The following NCAM2 variants were observed in gnomAD, a reference collection of about 807,000 sequenced individuals.
The protein encoded by NCAM2 is neural cell adhesion molecule 2.
In NCAM2, 30 loss-of-function variants were observed where a neutral mutation model predicts 98.1. That is an observed-to-expected ratio of 0.31 (90% CI 0.23 to 0.41). NCAM2 has a LOEUF of 0.41. Ranked by LOEUF, NCAM2 falls within the 10% of genes least tolerant of loss-of-function variation. NCAM2 has a pLI of 1.00. For synonymous variants in NCAM2, 368 were observed against 342.4 expected, an observed-to-expected ratio of 1.07 and a Z score of -0.83; for missense variants, 867 against 1,005.8, an observed-to-expected ratio of 0.86 and a Z score of 1.87.
intron 1 of NCAM2, among the ~76,000 whole-genome samples, chr21:21,110,972 C>G (rs766406370): frequency 3.0e-4 from 46 of 151,976 alleles, no homozygotes; most frequent in Middle Eastern, 3.2e-3. Context: ...CATTAAAGTT[C>G]TGCTTACACA....
chr21:21,108,191 A>G (rs2066388021), intron 1 of NCAM2, among the ~76,000 whole-genome samples: 1 of 152,056 alleles, frequency 6.6e-6, no homozygotes. Flanking sequence ...AACCATAACT[A>G]AATATTTGAA....
rs145243484 is a variant in NCAM2, at chr21:21,135,257, A to AAC, written c.55+136640_55+136641insCA. On this transcript the variant is annotated intron_variant, in intron 1 of 17. Coordinates refer to ENST00000400546, the MANE Select transcript of NCAM2 (RefSeq NM_004540.5). ...TGAGACTCCATCTCAAAAAAAAAAA[A>AAC]AAAAAAACTTCTGAACTCAATCAGT... Among the ~76,000 whole-genome samples, 15 of 50,686 alleles carry AAC rather than the reference A, an allele frequency of 3.0e-4. No homozygotes were observed. In the East Asian group the frequency reaches 8.6e-3, roughly 29 times the overall value. 33.3% of individuals were successfully genotyped at this position (50,686 alleles called of 152,430 possible).
chr21:21,309,455 T>C (rs1194468256), intron 5 of NCAM2, among the ~76,000 whole-genome samples: 1 of 152,206 alleles, frequency 6.6e-6, no homozygotes, highest in African/African-American at 2.4e-5. Flanking sequence ...TCTTTATCTG[T>C]CATGCATTAG....
intron 1 of NCAM2, among the ~76,000 whole-genome samples, chr21:21,118,369 T>G (rs1022869232): frequency 6.6e-6 from 1 of 152,100 alleles, no homozygotes; most frequent in African/African-American, 2.4e-5. Context: ...AAAATAAGCT[T>G]AGGAACAAGT....
intron 1 of NCAM2, among the ~76,000 whole-genome samples, chr21:21,215,308 G>A (rs2069846856): frequency 6.6e-6 from 1 of 152,146 alleles, no homozygotes; most frequent in Non-Finnish European, 1.5e-5. Flanking sequence ...TCATAGAGAT[G>A]TTCTCATGTT....
intron 1 of NCAM2, among the ~76,000 whole-genome samples, chr21:21,145,952 C>T (rs564804203): frequency 6.6e-6 from 1 of 152,226 alleles, no homozygotes; most frequent in African/African-American, 2.4e-5. Flanking sequence ...GCCAGGAAGC[C>T]TTCACAGAAG....
At chr21:21,143,908 T>C (rs942228664) in intron 1 of NCAM2, among the ~76,000 whole-genome samples, 12 of 151,764 alleles carry the variant, frequency 7.9e-5, no homozygotes, top group Admixed American at 3.3e-4. Flanking sequence ...TGTGATCATA[T>C]TGGCATTGCT....
At chr21:21,101,661 A>G (rs530365986) in intron 1 of NCAM2, among the ~76,000 whole-genome samples, 1 of 152,208 alleles carries the variant, frequency 6.6e-6, no homozygotes, top group Non-Finnish European at 1.5e-5. Flanking sequence ...TTGATAAATA[A>G]TGGATTTAAA....
At chr21:21,178,165 T>C (rs1203785734) in intron 1 of NCAM2, among the ~76,000 whole-genome samples, 1 of 152,126 alleles carries the variant, frequency 6.6e-6, no homozygotes, top group Non-Finnish European at 1.5e-5. Flanking sequence ...CTTCTTACAA[T>C]GAAAAACATT....
intron 1 of NCAM2, among the ~76,000 whole-genome samples, chr21:21,032,259 A>C (rs1445687375): frequency 9.2e-5 from 14 of 152,140 alleles, no homozygotes; most frequent in African/African-American, 3.1e-4. Context: ...AATGGAAATA[A>C]ATCTAATGCA....
chr21:21,243,684 C>T (rs1004776629), intron 1 of NCAM2, among the ~76,000 whole-genome samples: 39 of 152,098 alleles, frequency 2.6e-4, no homozygotes, highest in African/African-American at 9.4e-4. Flanking sequence ...GAAGTCTAGG[C>T]CACTCAAATG....
intron 1 of NCAM2, among the ~76,000 whole-genome samples, chr21:21,023,205 T>G (rs941289202): frequency 2.6e-5 from 4 of 152,142 alleles, no homozygotes; most frequent in Non-Finnish European, 5.9e-5. Flanking sequence ...TATTATGAAA[T>G]GAGGTAACTG....
At chr21:21,091,172 A>G (rs2066004848) in intron 1 of NCAM2, among the ~76,000 whole-genome samples, 2 of 152,136 alleles carry the variant, frequency 1.3e-5, no homozygotes, top group Admixed American at 1.3e-4. Flanking sequence ...CAAGCTTAAA[A>G]ACTACATGAC....
At chr21:21,093,076 G>C (rs1217969561) in intron 1 of NCAM2, among the ~76,000 whole-genome samples, 1 of 151,922 alleles carries the variant, frequency 6.6e-6, no homozygotes, top group African/African-American at 2.4e-5. Context: ...GGAAGATCAA[G>C]AAGACAATTT....
chr21:21,443,846 C>T, intron 12 of NCAM2, among the ~76,000 whole-genome samples: 1 of 152,120 alleles, frequency 6.6e-6, no homozygotes, highest in Non-Finnish European at 1.5e-5. Flanking sequence ...CTGGAAGTAA[C>T]TGGATTTCCC....
At chr21:21,338,921 T>A (rs879809115) in intron 8 of NCAM2, among the ~76,000 whole-genome samples, 2 of 152,164 alleles carry the variant, frequency 1.3e-5, no homozygotes, top group African/African-American at 4.8e-5. Flanking sequence ...ATTGCCATTT[T>A]AAAAACAGGA....
At chr21:21,235,812 C>T (rs1296582864) in intron 1 of NCAM2, among the ~76,000 whole-genome samples, 1 of 151,984 alleles carries the variant, frequency 6.6e-6, no homozygotes, top group African/African-American at 2.4e-5. Context: ...ACTAAAGACT[C>T]ATCCTCAACC....
intron 5 of NCAM2, among the ~76,000 whole-genome samples, chr21:21,294,968 C>T (rs567323097): frequency 2.6e-5 from 4 of 151,826 alleles, no homozygotes; most frequent in African/African-American, 7.2e-5. Context: ...TTGACTTTGA[C>T]TGCTGCCCTA....
intron 1 of NCAM2, among the ~76,000 whole-genome samples, chr21:21,166,764 A>G (rs1405658056): frequency 6.6e-6 from 1 of 152,160 alleles, no homozygotes; most frequent in Admixed American, 6.5e-5. Flanking sequence ...TGATGCCTCT[A>G]GGTTTACCAG....
Sources: allele counts gnomAD v4.1 joint callset (sites outside exome capture counted in the v4.1 genomes callset), GRCh38; gene constraint gnomAD v4.1.1; transcripts MANE v1.5; gene names NCBI Gene and HGNC (gene_info 2026-07-23, HGNC 2026-07-21).